SH3GL2: variants seen among roughly 807,000 people sequenced by gnomAD.
SH3GL2 encodes endophilin-A1.
A neutral mutation model predicts 46.0 loss-of-function variants in SH3GL2; 24 were observed. The ratio of observed to expected loss-of-function variants is 0.52; its 90% CI spans 0.38 to 0.73. The LOEUF (loss-of-function observed/expected upper bound fraction) is 0.73, where lower values mean the gene tolerates loss of function less well. Ranked by LOEUF, SH3GL2 falls within the 30% of genes least tolerant of loss-of-function variation. The pLI, the probability that SH3GL2 is intolerant of heterozygous loss-of-function variation, is 0.00. For missense variants in SH3GL2, 413 were observed against 424.2 expected (o/e 0.97, Z 0.23); for synonymous variants, 196 against 147.1 (o/e 1.33, Z -2.40).
chr9:17,649,881 T>G (rs1015665245), intron 1 of SH3GL2, among the ~76,000 whole-genome samples: 4 of 152,224 alleles, frequency 2.6e-5, no homozygotes, highest in Non-Finnish European at 4.4e-5. Flanking sequence ...AAATCACAGT[T>G]CAGAGATTTG....
At chr9:17,625,409 C>G (rs1819259287) in intron 1 of SH3GL2, among the ~76,000 whole-genome samples, 1 of 152,216 alleles carries the variant, frequency 6.6e-6, no homozygotes, top group South Asian at 2.1e-4. Context: ...TCATTGCCTC[C>G]TAACTTGCAA....
At chr9:17,732,642 G>A (rs1455357060) in intron 1 of SH3GL2, among the ~76,000 whole-genome samples, 1 of 152,074 alleles carries the variant, frequency 6.6e-6, no homozygotes, top group African/African-American at 2.4e-5. Context: ...AGTCTTCATG[G>A]GGAATGGTAT....
chr9:17,618,960 AT>A (rs367778906), intron 1 of SH3GL2, among the ~76,000 whole-genome samples: 1 of 152,128 alleles, frequency 6.6e-6, no homozygotes, highest in Non-Finnish European at 1.5e-5. Context: ...ACGTTTATTG[AT>A]TTTTTTAAAT....
chr9:17,660,319 A>G (rs1047606237), intron 1 of SH3GL2, among the ~76,000 whole-genome samples: 5 of 152,172 alleles, frequency 3.3e-5, no homozygotes, highest in African/African-American at 1.2e-4. Context: ...TGACTCCTCA[A>G]GCTGTGTGTC....
chr9:17,580,709 G>C (rs1468557424), intron 1 of SH3GL2, among the ~76,000 whole-genome samples: 1 of 152,212 alleles, frequency 6.6e-6, no homozygotes. Flanking sequence ...TATACTGCAA[G>C]TTCTTTCAGG....
chr9:17,592,564 A>G (rs1162984508), intron 1 of SH3GL2, among the ~76,000 whole-genome samples: 1 of 152,234 alleles, frequency 6.6e-6, no homozygotes, highest in East Asian at 1.9e-4. Context: ...GCCTTTGTTA[A>G]AACAGGAGAT....
chr9:17,776,053 T>A (rs981627455), intron 3 of SH3GL2, among the ~76,000 whole-genome samples: 28 of 152,196 alleles, frequency 1.8e-4, no homozygotes, highest in African/African-American at 6.3e-4. Flanking sequence ...ACTGCCATCA[T>A]AATCATCTAG....
At chr9:17,648,993 G>T (rs781062005) in intron 1 of SH3GL2, among the ~76,000 whole-genome samples, 1 of 152,188 alleles carries the variant, frequency 6.6e-6, no homozygotes, top group Non-Finnish European at 1.5e-5. Context: ...TGTGTTTCCT[G>T]TATGATGTTG....
In SH3GL2 at chr9:17,791,273, C is replaced by A. The variant is rs1380198537; in HGVS notation, c.667C>A (p.Leu223Met). Reference protein sequence around the residue: ...SQLSALVQAQLEYHKQAVQIL... With the variant: ...SQLSALVQAQMEYHKQAVQIL... ...GCTCTCTGCACTTGTGCAAGCTCAG[C>A]TGGAGTACCACAAGCAGGCAGTCCA... The change falls in exon 7 of 9, where the codon CTG (leucine) becomes ATG (methionine). Residue 223 changes from leucine to methionine, a missense_variant. Physicochemically the swap from Leu to Met is conservative, Grantham distance 15 (BLOSUM62 2). Coordinates refer to ENST00000380607, the MANE Select transcript of SH3GL2 (RefSeq NM_003026.5). 1 of 1,613,646 alleles carries A rather than the reference C, an allele frequency of 6.2e-7. No individual in the cohort carries two copies. The highest frequency in any genetic ancestry group is 1.7e-5 in the Admixed American group (1 of 59,988).
At chr9:17,582,771 C>T (rs545290886) in intron 1 of SH3GL2, among the ~76,000 whole-genome samples, 86 of 152,314 alleles carry the variant, frequency 5.6e-4, no homozygotes, top group Middle Eastern at 6.8e-3. Flanking sequence ...GGGCCACGAG[C>T]TCTCTGAAGG....
intron 1 of SH3GL2, among the ~76,000 whole-genome samples, chr9:17,628,221 G>A (rs1048764351): frequency 1.6e-4 from 25 of 152,084 alleles, no homozygotes; most frequent in Non-Finnish European, 3.4e-4. Flanking sequence ...CATTGTTACT[G>A]GCACGTGGGC....
At chr9:17,721,069 A>G (rs1179701126) in intron 1 of SH3GL2, among the ~76,000 whole-genome samples, 4 of 151,616 alleles carry the variant, frequency 2.6e-5, no homozygotes, top group South Asian at 4.2e-4. Context: ...GAACTCTCGC[A>G]CTCTCCTCTG....
chr9:17,758,769 T>C (rs1486999199), intron 2 of SH3GL2, among the ~76,000 whole-genome samples: 2 of 113,258 alleles, frequency 1.8e-5, no homozygotes, highest in Non-Finnish European at 3.8e-5. Flanking sequence ...TAGGTAGAAC[T>C]TGCTCTGTAA....
chr9:17,585,772 G>T (rs959849273), intron 1 of SH3GL2, among the ~76,000 whole-genome samples: 11 of 152,180 alleles, frequency 7.2e-5, no homozygotes, highest in African/African-American at 2.7e-4. Flanking sequence ...TGTGGTAGGG[G>T]CCAACCTTAT....
chr9:17,584,968 G>A (rs1818346064), intron 1 of SH3GL2, among the ~76,000 whole-genome samples: 2 of 152,126 alleles, frequency 1.3e-5, no homozygotes, highest in Admixed American at 1.3e-4. Context: ...AAATTTTAAA[G>A]TAACCTGCAA....
intron 1 of SH3GL2, among the ~76,000 whole-genome samples, chr9:17,587,061 G>T (rs73418627): frequency 0.014 from 2,073 of 152,244 alleles, 42 homozygotes; most frequent in African/African-American, 0.048. Context: ...AATTAGCCAG[G>T]CTTGGTGATG....
Position 17,598,766 on chromosome 9 carries a change from G to A in SH3GL2, c.45+19479G>A, listed in dbSNP as rs1818617995. 2.0e-5 allele frequency among the ~76,000 whole-genome samples: 3 copies of A among 152,140 alleles called. No homozygotes were observed. The South Asian group carries it at 6.2e-4, about 32-fold the overall frequency. ...TCAGTTGGTCTCTAAATTCCTGAAG[G>A]GAGGGATCAAGTTTCTGCTGATCTC... On this transcript the variant is annotated intron_variant, in intron 1 of 8. Coordinates refer to ENST00000380607, the MANE Select transcript of SH3GL2 (RefSeq NM_003026.5).
At chr9:17,706,172 T>C (rs1246035885) in intron 1 of SH3GL2, among the ~76,000 whole-genome samples, 1 of 152,004 alleles carries the variant, frequency 6.6e-6, no homozygotes, top group Non-Finnish European at 1.5e-5. Context: ...TATTCTGGAG[T>C]GGCAAAGGGA....
chr9:17,704,184 A>T (rs1422689030), intron 1 of SH3GL2, among the ~76,000 whole-genome samples: 1 of 151,764 alleles, frequency 6.6e-6, no homozygotes, highest in Non-Finnish European at 1.5e-5. Context: ...ACACACTCCC[A>T]TTCACAATAG....
Sources: gnomAD v4.1 joint callset for allele counts (sites outside exome capture counted in the v4.1 genomes callset) on GRCh38, gnomAD v4.1.1 for gene constraint, MANE v1.5 for transcripts, NCBI Gene and HGNC (gene_info 2026-07-23, HGNC 2026-07-21) for gene names.